Variants in CACNG5 observed in about 807,000 individuals in gnomAD.
The protein encoded by CACNG5 is calcium voltage-gated channel auxiliary subunit gamma 5.
Under a neutral mutation model 24.8 loss-of-function variants are expected in CACNG5, and 18 were observed. The observed-to-expected ratio is 0.73, with a 90% CI of 0.50 to 1.08. The LOEUF (loss-of-function observed/expected upper bound fraction) is 1.08. Among genes scored for constraint, CACNG5 ranks in the 50% least tolerant of loss-of-function variants. The pLI, the probability that CACNG5 is intolerant of heterozygous loss-of-function variation, is 0.00. For missense variants in CACNG5, 349 were observed against 367.9 expected, an observed-to-expected ratio of 0.95 and a Z score of 0.42; for synonymous variants, 157 against 149.1, an observed-to-expected ratio of 1.05 and a Z score of -0.39.
At chr17:66,883,262 C>T (rs921072060) in intron 4 of CACNG5, among the ~76,000 whole-genome samples, 1 of 152,158 alleles carries the variant, frequency 6.6e-6, no homozygotes, top group Admixed American at 6.5e-5. Context: ...TAAACAGTAG[C>T]TTTGACATAC....
chr17:66,866,561 A>G (rs1434222871), intron 1 of CACNG5, among the ~76,000 whole-genome samples: 1 of 152,088 alleles, frequency 6.6e-6, no homozygotes, highest in Non-Finnish European at 1.5e-5. Context: ...CCCATAACCT[A>G]GGTATTAAGC....
At chr17:66,835,386 A>T (rs1454260220) in intron 1 of CACNG5, 136 bp downstream of exon 1, 1 of 152,088 alleles carries the variant, frequency 6.6e-6, no homozygotes, top group Admixed American at 6.5e-5. Flanking sequence ...GGGGCTGGAG[A>T]GCCCTAGCGA....
chr17:66,846,289 T>C (rs1427626175), intron 1 of CACNG5, among the ~76,000 whole-genome samples: 3 of 152,232 alleles, frequency 2.0e-5, no homozygotes, highest in Non-Finnish European at 4.4e-5. Flanking sequence ...TTAAAGTGTG[T>C]GATTCAGTGG....
chr17:66,884,976 C>G lies in CACNG5; in HGVS notation c.571-7C>G. The G allele has an allele frequency of 1.2e-6, 2 of 1,614,116 alleles. No homozygotes were observed. The highest frequency in any genetic ancestry group is 1.7e-6 in the Non-Finnish European group (2 of 1,179,998). ...CGAGCCCATCCTCTGCTGTCTTCTC[C>G]CTGTAGAGTGCCGGGGTGATGTCTG... On this transcript the variant is annotated splice_polypyrimidine_tract_variant and splice_region_variant and intron_variant, in intron 5 of 5. Transcript: ENST00000533854.
Position 66,893,123 on chromosome 17 carries a change from A to G in CACNG5, c.*7883A>G, listed in dbSNP as rs1290205838. 6.6e-6 allele frequency among the ~76,000 whole-genome samples: 1 copy of G among 152,208 alleles called. No homozygotes were observed. The highest frequency in any genetic ancestry group is 2.4e-5 in the African/African-American group (1 of 41,464). On this transcript the variant is annotated 3_prime_UTR_variant, in exon 6 of 6. Coordinates refer to ENST00000533854, the MANE Select transcript of CACNG5 (RefSeq NM_145811.3). ...CCTAAAGAAGTTTAGGGACTTGCTC[A>G]TGACCGCACAGCTGGTAATATTTGC...
At chr17:66,859,537 G>A (rs1976827660) in intron 1 of CACNG5, among the ~76,000 whole-genome samples, 2 of 152,162 alleles carry the variant, frequency 1.3e-5, no homozygotes, top group South Asian at 4.1e-4. Flanking sequence ...TGTCTTGTGA[G>A]AATCCTCCTT....
rs1977275749 is a variant in CACNG5 at position 66,887,296 on chromosome 17, A to G, written c.*2056A>G. ...CTTGGCCTAAATGGTTTCCAAGCCCACTCCCCTCCCACCCACCCACAACTC... is the reference window on the plus strand; with the variant it reads ...CTTGGCCTAAATGGTTTCCAAGCCCGCTCCCCTCCCACCCACCCACAACTC... On this transcript the variant is annotated 3_prime_UTR_variant, in exon 6 of 6. Coordinates refer to ENST00000533854, the MANE Select transcript of CACNG5 (RefSeq NM_145811.3). 6.7e-6 allele frequency among the ~76,000 whole-genome samples: 1 copy of G among 149,924 alleles called. No individual in the cohort carries two copies. The highest frequency in any genetic ancestry group is 6.6e-5 in the Admixed American group (1 of 15,092).
intron 1 of CACNG5, among the ~76,000 whole-genome samples, chr17:66,859,999 C>T (rs1292434629): frequency 6.6e-6 from 1 of 152,156 alleles, no homozygotes; most frequent in East Asian, 1.9e-4. Context: ...CTTTAGCTCA[C>T]TTATCTTAGG....
intron 1 of CACNG5, among the ~76,000 whole-genome samples, chr17:66,858,367 C>T (rs1410595912): frequency 6.6e-6 from 1 of 152,172 alleles, no homozygotes; most frequent in Non-Finnish European, 1.5e-5. Flanking sequence ...CTTATAGCAG[C>T]TCTGCAGAGG....
chr17:66,855,422 C>A (rs1371512357), intron 1 of CACNG5, among the ~76,000 whole-genome samples: 1 of 152,200 alleles, frequency 6.6e-6, no homozygotes, highest in Non-Finnish European at 1.5e-5. Context: ...GCGACCTCTT[C>A]CCTGGTTGGG....
intron 5 of CACNG5, 64 bp from the exon 6 acceptor site, chr17:66,884,919 C>G (rs778529868): frequency 6.2e-7 from 1 of 1,613,956 alleles, no homozygotes; most frequent in South Asian, 1.1e-5. Flanking sequence ...TGTGCAGACC[C>G]CAGCCAAGGG....
intron 1 of CACNG5, among the ~76,000 whole-genome samples, chr17:66,856,817 A>G (rs7214936): frequency 2.6e-5 from 4 of 151,962 alleles, no homozygotes; most frequent in Non-Finnish European, 5.9e-5. Context: ...TACTGGGATT[A>G]CAGGTGTGAG....
intron 3 of CACNG5, among the ~76,000 whole-genome samples, chr17:66,879,286 A>G (rs1977126349): frequency 6.6e-6 from 1 of 152,200 alleles, no homozygotes; most frequent in South Asian, 2.1e-4. Context: ...CAGGGAACTG[A>G]GCTCTCTGGA....
At chr17:66,877,625 G>A (rs1417909528) in intron 2 of CACNG5, 97 bp downstream of exon 2, 2 of 1,037,756 alleles carry the variant, frequency 1.9e-6, no homozygotes, top group Non-Finnish European at 2.8e-6. Context: ...ATGCTGGAAG[G>A]AGACCATTCA....
chr17:66,858,003 GT>G (rs1192839186), intron 1 of CACNG5, among the ~76,000 whole-genome samples: 2 of 152,190 alleles, frequency 1.3e-5, no homozygotes, highest in Non-Finnish European at 2.9e-5. Context: ...ATCCAATCCT[GT>G]CTGGGCATGG....
chr17:66,862,339 C>T (rs1318874678), intron 1 of CACNG5, among the ~76,000 whole-genome samples: 1 of 151,184 alleles, frequency 6.6e-6, no homozygotes, highest in East Asian at 2.0e-4. Flanking sequence ...GCTACACACG[C>T]CCAGCTATGA....
chr17:66,835,677 A>G (rs1486720152), intron 1 of CACNG5, among the ~76,000 whole-genome samples: 1 of 151,862 alleles, frequency 6.6e-6, no homozygotes, highest in African/African-American at 2.4e-5. Context: ...TGCGGGTCCA[A>G]CTCCCCGCTT....
At chr17:66,874,164 G>T (rs1977046072) in intron 1 of CACNG5, among the ~76,000 whole-genome samples, 1 of 152,146 alleles carries the variant, frequency 6.6e-6, no homozygotes, top group Non-Finnish European at 1.5e-5. Flanking sequence ...TCATCAGTTT[G>T]CTCACCTGTA....
chr17:66,865,796 A>ATTTTTT (rs35187215), intron 1 of CACNG5, among the ~76,000 whole-genome samples: 10 of 129,846 alleles, frequency 7.7e-5, no homozygotes, highest in Non-Finnish European at 1.3e-4. Flanking sequence ...TGCACGGCTA[A>ATTTTTT]TTTTTTTTTT....
Sources: gnomAD v4.1 joint callset for allele counts (sites outside exome capture counted in the v4.1 genomes callset) on GRCh38, gnomAD v4.1.1 for gene constraint, MANE v1.5 for transcripts, NCBI Gene and HGNC (gene_info 2026-07-23, HGNC 2026-07-21) for gene names.